NFIA: variants seen among roughly 807,000 people sequenced by gnomAD.
NFIA encodes nuclear factor I A, also known as nuclear factor 1 A-type.
NFIA carries 8 observed loss-of-function variants against 62.8 expected under a neutral mutation model. That is an observed-to-expected ratio of 0.13 (90% CI 0.07 to 0.23). NFIA has a LOEUF of 0.23. Among genes scored for constraint, NFIA ranks in the 10% least tolerant of loss-of-function variants. The probability of loss-of-function intolerance (pLI) is 1.00; values close to 1 mark genes in which losing one functional copy is unlikely to be tolerated. For synonymous variants in NFIA, 235 were observed against 238.1 expected, an observed-to-expected ratio of 0.99 and a Z score of 0.12; for missense variants, 410 against 642.1, an observed-to-expected ratio of 0.64 and a Z score of 3.91.
At chr1:61,101,319 C>G (rs1024293760) in intron 2 of NFIA, among the ~76,000 whole-genome samples, 4 of 150,564 alleles carry the variant, frequency 2.7e-5, no homozygotes, top group African/African-American at 9.8e-5. Context: ...CGCTTGAACC[C>G]GGGAGGCAAA....
chr1:61,120,328 T>C (rs767589477), intron 2 of NFIA, among the ~76,000 whole-genome samples: 8 of 152,236 alleles, frequency 5.3e-5, no homozygotes, highest in Non-Finnish European at 1.0e-4. Context: ...CTTGATATAT[T>C]CTTATGGCAC....
intron 3 of NFIA, among the ~76,000 whole-genome samples, chr1:61,294,481 G>A (rs1174211479): frequency 8.5e-5 from 13 of 152,174 alleles, no homozygotes; most frequent in Non-Finnish European, 1.8e-4. Context: ...AAAGGCGATT[G>A]AAATCATTCT....
At chr1:61,257,342 T>TG (rs1224525017) in intron 2 of NFIA, among the ~76,000 whole-genome samples, 1 of 135,222 alleles carries the variant, frequency 7.4e-6, no homozygotes, top group African/African-American at 2.8e-5. Context: ...TTTTTTTTTT[T>TG]TTTTTTTTTT....
intron 2 of NFIA, among the ~76,000 whole-genome samples, chr1:61,167,306 G>A (rs1462260471): frequency 1.3e-5 from 2 of 152,076 alleles, no homozygotes; most frequent in Non-Finnish European, 2.9e-5. Context: ...AGTATGTTTT[G>A]GAAATGAAGA....
chr1:61,434,115 T>TA (rs2100564732), intron 10 of NFIA, among the ~76,000 whole-genome samples: 1 of 152,182 alleles, frequency 6.6e-6, no homozygotes, highest in East Asian at 1.9e-4. Flanking sequence ...TTGCTTCTCT[T>TA]ACGCTAAATT....
chr1:61,428,382 A>ATTTTTTTTTTTTTTTTTTTTTT (rs34309622), intron 10 of NFIA, among the ~76,000 whole-genome samples: 1 of 135,940 alleles, frequency 7.4e-6, no homozygotes, highest in Non-Finnish European at 1.6e-5. Context: ...CTGGAACTGA[A>ATTTTTTTTTTTTTTTTTTTTTT]TTTTTTTTTT....
intron 3 of NFIA, among the ~76,000 whole-genome samples, chr1:61,278,051 GAA>G (rs5774550): frequency 3.3e-5 from 5 of 149,546 alleles, no homozygotes; most frequent in African/African-American, 7.3e-5. Flanking sequence ...ATTCCTTTAA[GAA>G]AAAAAAAAAT....
intron 10 of NFIA, among the ~76,000 whole-genome samples, chr1:61,445,626 G>A (rs78491289): frequency 0.013 from 2,037 of 152,250 alleles, 42 homozygotes; most frequent in East Asian, 0.049. Flanking sequence ...ACTGGTTCCG[G>A]GTTTGGGCTT....
intron 3 of NFIA, among the ~76,000 whole-genome samples, chr1:61,303,626 T>C (rs1659603307): frequency 6.6e-6 from 1 of 152,198 alleles, no homozygotes; most frequent in Non-Finnish European, 1.5e-5. Flanking sequence ...GGTAAAAGCC[T>C]GGGGCAGTTC....
At chr1:61,216,307 C>T (rs1346207575) in intron 2 of NFIA, among the ~76,000 whole-genome samples, 1 of 151,992 alleles carries the variant, frequency 6.6e-6, no homozygotes, top group Non-Finnish European at 1.5e-5. Context: ...CTTGGGATGC[C>T]CAACCCAGTA....
intron 3 of NFIA, among the ~76,000 whole-genome samples, chr1:61,326,461 T>C (rs1369290892): frequency 6.6e-6 from 1 of 152,136 alleles, no homozygotes; most frequent in Non-Finnish European, 1.5e-5. Flanking sequence ...GTTCTGCCAA[T>C]GATTTTACCA....
intron 2 of NFIA, among the ~76,000 whole-genome samples, chr1:61,237,525 C>A (rs1003581102): frequency 5.9e-5 from 9 of 152,118 alleles, no homozygotes; most frequent in African/African-American, 2.2e-4. Context: ...TCATCATTGG[C>A]AGAATAGGTA....
intron 2 of NFIA, among the ~76,000 whole-genome samples, chr1:61,209,871 T>C (rs1222624484): frequency 6.6e-6 from 1 of 151,962 alleles, no homozygotes; most frequent in East Asian, 1.9e-4. Context: ...AATTAAAAAG[T>C]AATATGGGAT....
intron 2 of NFIA, among the ~76,000 whole-genome samples, chr1:61,153,401 G>A (rs541551157): frequency 1.7e-4 from 26 of 152,304 alleles, no homozygotes; most frequent in Middle Eastern, 6.8e-3. Context: ...GCCTTTGACT[G>A]TAACTGTAAT....
At chr1:61,438,506 G>A (rs796190089) in intron 10 of NFIA, among the ~76,000 whole-genome samples, 8 of 152,196 alleles carry the variant, frequency 5.3e-5, no homozygotes, top group Non-Finnish European at 8.8e-5. Context: ...TCTTCTCACC[G>A]CATCCTCCCG....
chr1:61,239,880 C>T (rs1004472709), intron 2 of NFIA, among the ~76,000 whole-genome samples: 2 of 152,042 alleles, frequency 1.3e-5, no homozygotes, highest in African/African-American at 4.8e-5. Context: ...GGGGTTTCCT[C>T]TCTAGTGAAA....
At chr1:61,110,558 A>G (rs1436552034) in intron 2 of NFIA, among the ~76,000 whole-genome samples, 2 of 152,008 alleles carry the variant, frequency 1.3e-5, no homozygotes, top group African/African-American at 2.4e-5. Flanking sequence ...TATTCTCTGG[A>G]TTTTTTAAAG....
At chr1:61,096,544 G>GTTATTTTT in intron 2 of NFIA, among the ~76,000 whole-genome samples, 1 of 121,932 alleles carries the variant, frequency 8.2e-6, no homozygotes, top group African/African-American at 3.4e-5. Context: ...GTCAAGATTA[G>GTTATTTTT]TTCTTTTTTT....
intron 2 of NFIA, among the ~76,000 whole-genome samples, chr1:61,151,377 T>TA (rs1648393876): frequency 9.9e-6 from 1 of 100,868 alleles, no homozygotes; most frequent in South Asian, 4.0e-4. Flanking sequence ...GCCTGGCTAA[T>TA]ACAGCTTTTT....
Sources: gnomAD v4.1 joint callset for allele counts (sites outside exome capture counted in the v4.1 genomes callset) on GRCh38, gnomAD v4.1.1 for gene constraint, MANE v1.5 for transcripts, NCBI Gene and HGNC (gene_info 2026-07-23, HGNC 2026-07-21) for gene names.